TLL1: variants seen among roughly 807,000 people sequenced by gnomAD.
TLL1 encodes the protein tolloid-like protein 1.
In TLL1, 49 loss-of-function variants were observed where a neutral mutation model predicts 128.2. The ratio of observed to expected loss-of-function variants is 0.38; its 90% CI spans 0.30 to 0.48. The LOEUF is 0.48. Ranked by LOEUF, TLL1 falls within the 20% of genes least tolerant of loss-of-function variation. TLL1 has a pLI of 0.96. For missense variants in TLL1, 1,123 were observed against 1,242.0 expected, an observed-to-expected ratio of 0.90 and a Z score of 1.44; for synonymous variants, 454 against 418.8, an observed-to-expected ratio of 1.08 and a Z score of -1.03.
chr4:165,956,126 A>T (rs1734779113), intron 1 of TLL1, among the ~76,000 whole-genome samples: 1 of 147,054 alleles, frequency 6.8e-6, no homozygotes, highest in African/African-American at 2.7e-5. Context: ...GACAAATGGC[A>T]AAAGCAGAAC....
intron 1 of TLL1, among the ~76,000 whole-genome samples, chr4:165,979,660 C>T (rs535915946): frequency 7.4e-4 from 113 of 152,084 alleles, no homozygotes; most frequent in Middle Eastern, 6.8e-3. Flanking sequence ...TGGTGCTGTG[C>T]GCCTGTACTC....
intron 10 of TLL1, among the ~76,000 whole-genome samples, chr4:166,041,521 G>A (rs894866603): frequency 5.3e-5 from 8 of 151,810 alleles, no homozygotes; most frequent in East Asian, 1.9e-4. Flanking sequence ...AGATGGTCTC[G>A]ATTTCTTGAC....
At chr4:165,936,207 T>A (rs1561039355) in intron 1 of TLL1, among the ~76,000 whole-genome samples, 1 of 122,372 alleles carries the variant, frequency 8.2e-6, no homozygotes, top group Non-Finnish European at 1.7e-5. Flanking sequence ...TATATATATA[T>A]TTTTTTTTCT....
At chr4:165,884,446 G>C (rs1193838227) in intron 1 of TLL1, among the ~76,000 whole-genome samples, 1 of 152,182 alleles carries the variant, frequency 6.6e-6, no homozygotes, top group East Asian at 1.9e-4. Context: ...TTTGGCAGTG[G>C]ACTAGTACAA....
chr4:165,922,267 G>A (rs1393388922), intron 1 of TLL1, among the ~76,000 whole-genome samples: 1 of 152,150 alleles, frequency 6.6e-6, no homozygotes, highest in Admixed American at 6.5e-5. Context: ...TGAAACTATT[G>A]AAACTTATTA....
intron 1 of TLL1, among the ~76,000 whole-genome samples, chr4:165,987,044 C>T (rs904970227): frequency 1.3e-5 from 2 of 152,030 alleles, no homozygotes; most frequent in African/African-American, 4.8e-5. Flanking sequence ...AATGTAGAAT[C>T]TGAGGCTCCT....
At chr4:165,897,223 T>C (rs2110843789) in intron 1 of TLL1, among the ~76,000 whole-genome samples, 1 of 152,304 alleles carries the variant, frequency 6.6e-6, no homozygotes, top group South Asian at 2.1e-4. Flanking sequence ...AGAAGCTCTT[T>C]AGTTTAATTA....
intron 15 of TLL1, 128 bp from the exon 16 acceptor site, chr4:166,065,555 C>T: frequency 3.1e-6 from 3 of 964,404 alleles, no homozygotes; most frequent in Admixed American, 2.1e-5. Context: ...GATTTTTTTC[C>T]TTACCTGTTA....
At chr4:166,013,250 T>C (rs759461905) in intron 7 of TLL1, among the ~76,000 whole-genome samples, 4 of 151,890 alleles carry the variant, frequency 2.6e-5, no homozygotes, top group Non-Finnish European at 5.9e-5. Context: ...ATAGTACCTA[T>C]TACTACCTGG....
chr4:165,986,880 A>G (rs188537828), intron 1 of TLL1, among the ~76,000 whole-genome samples: 8 of 152,254 alleles, frequency 5.3e-5, no homozygotes, highest in Admixed American at 2.0e-4. Flanking sequence ...GAAATGCAGT[A>G]TTGACAAAGT....
At chr4:166,002,691 C>CA (rs1312264441) in intron 5 of TLL1, among the ~76,000 whole-genome samples, 2 of 152,102 alleles carry the variant, frequency 1.3e-5, no homozygotes, top group African/African-American at 4.8e-5. Flanking sequence ...ACAGTCCTCC[C>CA]AGGTTGGCCT....
intron 1 of TLL1, among the ~76,000 whole-genome samples, chr4:165,899,198 G>A (rs1731835401): frequency 6.6e-6 from 1 of 151,796 alleles, no homozygotes; most frequent in South Asian, 2.1e-4. Context: ...TTTTTGAAGG[G>A]TTTTTGTGTC....
In TLL1 at chr4:166,008,062, G is replaced by T. The variant is rs776695173; in HGVS notation, c.917+14G>T. On this transcript the variant is annotated intron_variant, in intron 7 of 20. Coordinates refer to ENST00000061240, the MANE Select transcript of TLL1 (RefSeq NM_012464.5). ...CACCTTCTCAAGGTTGGAGTCTCAG[G>T]TTATACCTTTTGACTTTTAATTCCT... 2 of 1,595,344 alleles carry T rather than the reference G, an allele frequency of 1.3e-6. No homozygotes were observed. The highest frequency in any genetic ancestry group is 2.2e-5 in the South Asian group (2 of 90,734).
At chr4:165,912,836 G>A (rs1176770103) in intron 1 of TLL1, among the ~76,000 whole-genome samples, 1 of 150,966 alleles carries the variant, frequency 6.6e-6, no homozygotes, top group African/African-American at 2.4e-5. Context: ...ACACATCATA[G>A]AAAATTACAT....
At chr4:165,923,675 T>C (rs1336431118) in intron 1 of TLL1, among the ~76,000 whole-genome samples, 3 of 152,068 alleles carry the variant, frequency 2.0e-5, no homozygotes, top group Non-Finnish European at 2.9e-5. Context: ...GACCTTGTGA[T>C]CCGCCAGCCT....
At chr4:166,090,884 T>C (rs1741737726) in intron 18 of TLL1, among the ~76,000 whole-genome samples, 2 of 152,068 alleles carry the variant, frequency 1.3e-5, no homozygotes, top group South Asian at 2.1e-4. Flanking sequence ...ATTGCAATAG[T>C]AGAATTGGTT....
chr4:166,011,427 T>C (rs996597159), intron 7 of TLL1, among the ~76,000 whole-genome samples: 1 of 151,536 alleles, frequency 6.6e-6, no homozygotes, highest in African/African-American at 2.4e-5. Context: ...TCTTTTGGAT[T>C]GTTTGTTGTA....
At chr4:165,939,132 A>G (rs1025280062) in intron 1 of TLL1, among the ~76,000 whole-genome samples, 7 of 151,942 alleles carry the variant, frequency 4.6e-5, no homozygotes, top group Admixed American at 2.6e-4. Flanking sequence ...GATCTTGCAA[A>G]CTTTGAGGCT....
At chr4:165,987,035 A>G (rs1736422098) in intron 1 of TLL1, among the ~76,000 whole-genome samples, 1 of 152,120 alleles carries the variant, frequency 6.6e-6, no homozygotes, top group Non-Finnish European at 1.5e-5. Flanking sequence ...CTTGTTAAAA[A>G]TGTAGAATCT....
Sources: gnomAD v4.1 joint callset for allele counts (sites outside exome capture counted in the v4.1 genomes callset) on GRCh38, gnomAD v4.1.1 for gene constraint, MANE v1.5 for transcripts, NCBI Gene and HGNC (gene_info 2026-07-23, HGNC 2026-07-21) for gene names.